The following NFIC variants were observed in gnomAD, a reference collection of about 807,000 sequenced individuals.
NFIC encodes nuclear factor 1 C-type.
In NFIC, 12 loss-of-function variants were observed where a neutral mutation model predicts 54.4. That is an observed-to-expected ratio of 0.22 (90% CI 0.14 to 0.36). The LOEUF is 0.36. NFIC is among the 10% of genes least tolerant of loss of function. The pLI is 1.00. For synonymous variants in NFIC, 322 were observed against 319.2 expected, an observed-to-expected ratio of 1.01 and a Z score of -0.09; for missense variants, 575 against 718.2, an observed-to-expected ratio of 0.80 and a Z score of 2.28.
At chr19:3,373,861 A>G (rs2081063870) in intron 1 of NFIC, among the ~76,000 whole-genome samples, 1 of 152,186 alleles carries the variant, frequency 6.6e-6, no homozygotes, top group African/African-American at 2.4e-5. Flanking sequence ...GCTGAGCAAC[A>G]GAATGAATCT....
rs934310320 is a variant in NFIC, at chr19:3,429,421, G to GTAA, written c.635-4085_635-4083dup. Among the ~76,000 whole-genome samples the GTAA allele has an allele frequency of 4.0e-5, 6 of 151,256 alleles. No individual in the cohort carries two copies. In the East Asian group the frequency reaches 1.2e-3, roughly 30 times the overall value. On this transcript the variant is annotated intron_variant, in intron 3 of 10. Transcript: ENST00000443272. ...TAGCAAGACCCTATCTCTACAAAAAGTAATAATAATAATACAAAAATTAGC... is the reference window on the plus strand; with the variant it reads ...TAGCAAGACCCTATCTCTACAAAAAGTAATAATAATAATAATACAAAAATTAGC...
At chr19:3,388,457 C>G (rs1437246329) in intron 2 of NFIC, among the ~76,000 whole-genome samples, 2 of 152,152 alleles carry the variant, frequency 1.3e-5, no homozygotes, top group Non-Finnish European at 2.9e-5. Flanking sequence ...GAGGTTTGGA[C>G]AAGAGTCACT....
Position 3,452,436 on chromosome 19 carries a change from C to A in NFIC, c.1085-46C>A. The A allele has an allele frequency of 6.2e-7, 1 of 1,600,942 alleles. No individual in the cohort carries two copies. Among genetic ancestry groups the A allele is most frequent in the Non-Finnish European group, 8.5e-7 (1 of 1,176,270 alleles). On this transcript the variant is annotated intron_variant, in intron 7 of 10. Coordinates refer to ENST00000443272, the MANE Select transcript of NFIC (RefSeq NM_001245002.2). This position sits in a 1 kb window ranked among gnomAD's most constrained non-coding sequence, Gnocchi z 5.3. The stretch of plus-strand genomic sequence containing the variant: ...CACAGTCACACGGTCACAGAGCAGA[C>A]CGGCTGGAGCCCCCAAGTAACCCCC...
Position 3,453,248 on chromosome 19 carries a change from A to G in NFIC, c.1270-515A>G, listed in dbSNP as rs972154429. On this transcript the variant is annotated intron_variant, in intron 8 of 10. Transcript: ENST00000443272. The surrounding 1 kb of genome is among the most constrained non-coding windows in gnomAD (Gnocchi z 6.7). ...AACGAGACCCTGTCTCAAAAAGAAA[A>G]AAAAGGTTGGGGGGCGGGGGGCAGG... 6.6e-6 allele frequency among the ~76,000 whole-genome samples: 1 copy of G among 152,154 alleles called. No homozygotes were observed. The highest frequency in any genetic ancestry group is 1.9e-4 in the East Asian group (1 of 5,164).
intron 2 of NFIC, among the ~76,000 whole-genome samples, chr19:3,408,355 G>C (rs1335309263): frequency 1.3e-5 from 2 of 152,188 alleles, no homozygotes; most frequent in Non-Finnish European, 2.9e-5. Flanking sequence ...TGCTGGGCCA[G>C]GGTGTTGTGT....
intron 10 of NFIC, among the ~76,000 whole-genome samples, chr19:3,460,638 C>T (rs971618701): frequency 3.3e-5 from 5 of 152,058 alleles, no homozygotes; most frequent in African/African-American, 1.2e-4. Flanking sequence ...CTCAGCCTCC[C>T]GAGTAGCTGG....
chr19:3,380,969 T>C (rs564307535), intron 1 of NFIC, among the ~76,000 whole-genome samples: 1 of 149,862 alleles, frequency 6.7e-6, no homozygotes, highest in Non-Finnish European at 1.5e-5. Context: ...CTAGCTGCAA[T>C]AGGCAGAGAA....
rs2082730482 is a variant in NFIC at position 3,467,360 on chromosome 19, G to C, written c.*4591G>C. 6.6e-6 allele frequency: 1 copy of C among 151,852 alleles called. No homozygotes were observed. The highest frequency in any genetic ancestry group is 1.5e-5 in the Non-Finnish European group (1 of 67,992). 9.4% of individuals were successfully genotyped at this position (151,852 alleles called of 1,614,324 possible). A position where few individuals can be genotyped will look rare whatever the true frequency, so the allele number is the denominator to read the frequency against. ...GAGATGGGGCATGGAGGAGTAGGAA[G>C]ACCCAGCCCTATTTGACTGGGGAGA... On this transcript the variant is annotated 3_prime_UTR_variant, in exon 11 of 11. Transcript: ENST00000443272.
intron 6 of NFIC, among the ~76,000 whole-genome samples, chr19:3,435,613 G>C (rs2082188768): frequency 6.6e-6 from 1 of 152,070 alleles, no homozygotes; most frequent in African/African-American, 2.4e-5. Context: ...AGAAGGTCCT[G>C]AGATGCCGGA....
At chr19:3,364,699 C>A (rs1003981651), upstream of NFIC, among the ~76,000 whole-genome samples, 2 of 152,154 alleles carry the variant, frequency 1.3e-5, no homozygotes, top group South Asian at 2.1e-4. Flanking sequence ...CTAAACTTCA[C>A]CTTCCAAAGG....
At chr19:3,447,438 G>A (rs1599709954) in intron 6 of NFIC, among the ~76,000 whole-genome samples, 1 of 152,186 alleles carries the variant, frequency 6.6e-6, no homozygotes, top group Non-Finnish European at 1.5e-5. Context: ...TTTGAAGACA[G>A]GGTGAAAGTG....
chr19:3,443,766 T>A (rs1174301015), intron 6 of NFIC, among the ~76,000 whole-genome samples: 1 of 152,108 alleles, frequency 6.6e-6, no homozygotes, highest in Non-Finnish European at 1.5e-5. Context: ...GGTCCTGGCA[T>A]GGATTGGGTC....
intron 6 of NFIC, among the ~76,000 whole-genome samples, chr19:3,440,727 G>C (rs965964165): frequency 6.6e-6 from 1 of 151,946 alleles, no homozygotes; most frequent in Non-Finnish European, 1.5e-5. Context: ...CACCCTGTTG[G>C]CCAGGCTGCT....
intron 1 of NFIC, among the ~76,000 whole-genome samples, chr19:3,371,018 G>C (rs576241332): frequency 6.6e-6 from 1 of 152,320 alleles, no homozygotes; most frequent in South Asian, 2.1e-4. Context: ...GCCTGCCTCG[G>C]ATCTGCCTTG....
chr19:3,429,899 G>A (rs920377501), intron 3 of NFIC, among the ~76,000 whole-genome samples: 6 of 152,186 alleles, frequency 3.9e-5, no homozygotes, highest in African/African-American at 1.4e-4. Flanking sequence ...CCCCATCGGA[G>A]AAGCCAACAG....
chr19:3,423,207 A>T (rs974046250), intron 2 of NFIC, among the ~76,000 whole-genome samples: 2 of 152,132 alleles, frequency 1.3e-5, no homozygotes, highest in African/African-American at 4.8e-5. Flanking sequence ...CAAAAAAATA[A>T]AAATAAATAA....
At chr19:3,430,244 CTTT>C (rs869061995) in intron 3 of NFIC, among the ~76,000 whole-genome samples, 58 of 142,794 alleles carry the variant, frequency 4.1e-4, no homozygotes, top group Non-Finnish European at 2.5e-4. Context: ...CAGAACCTTT[CTTT>C]TTTTTTTTTT....
At chr19:3,391,993 C>T (rs531439289) in intron 2 of NFIC, among the ~76,000 whole-genome samples, 12 of 151,914 alleles carry the variant, frequency 7.9e-5, no homozygotes, top group Non-Finnish European at 1.6e-4. Context: ...AGTTTCTTGC[C>T]AGCTCTGTGC....
intron 2 of NFIC, among the ~76,000 whole-genome samples, chr19:3,414,530 G>C (rs1284498104): frequency 6.6e-6 from 1 of 151,918 alleles, no homozygotes; most frequent in Non-Finnish European, 1.5e-5. Flanking sequence ...GGGAGGTGGA[G>C]GTTGCAGTGA....
Sources: gnomAD v4.1 joint callset for allele counts (sites outside exome capture counted in the v4.1 genomes callset) on GRCh38, gnomAD v4.1.1 for gene constraint, Gnocchi (gnomAD v3.1) non-coding constraint, MANE v1.5 for transcripts, NCBI Gene and HGNC (gene_info 2026-07-23, HGNC 2026-07-21) for gene names.